SGSM1: variants seen among roughly 807,000 people sequenced by gnomAD.
SGSM1 encodes RUN and TBC1 domain containing 2.
SGSM1 carries 73 observed loss-of-function variants against 133.8 expected under a neutral mutation model. The observed-to-expected ratio is 0.55, with a 90% CI of 0.45 to 0.66. The LOEUF is 0.66. SGSM1 is among the 30% of genes least tolerant of loss of function. SGSM1 has a pLI of 0.00. For missense variants in SGSM1, 1,213 were observed against 1,448.1 expected (o/e 0.84, Z 2.64); for synonymous variants, 563 against 573.0 (o/e 0.98, Z 0.25).
rs1012130809 is a variant in SGSM1 at position 24,883,195 on chromosome 22, C to T, written c.1496-858C>T. On this transcript the variant is annotated intron_variant, in intron 14 of 24. Coordinates refer to ENST00000400358, the MANE Select transcript of SGSM1 (RefSeq NM_001098497.3). ...TTGGGATTACAGGCATGAGCCACCG[C>T]GCACGGCCACCACGGTTTCTTTATC... Among the ~76,000 whole-genome samples the T allele has an allele frequency of 7.9e-5, 12 of 152,248 alleles. No homozygotes were observed. The East Asian group carries it at 1.5e-3, about 20-fold the overall frequency.
Position 24,855,439 on chromosome 22 carries a change from G to A in SGSM1, c.669+9G>A, listed in dbSNP as rs1930715797. Reference sequence around the variant, plus strand: ...AGCGTCCTGCCCTCTGTGTGAGTGGGGTGGACAGTGGGGCAGTGGGAGGGA... The same window carrying A: ...AGCGTCCTGCCCTCTGTGTGAGTGGAGTGGACAGTGGGGCAGTGGGAGGGA... On this transcript the variant is annotated intron_variant, in intron 7 of 24. Transcript: ENST00000400358. 1 of 1,613,414 alleles carries A rather than the reference G, an allele frequency of 6.2e-7. No individual in the cohort carries two copies. Among genetic ancestry groups the A allele is most frequent in the African/African-American group, 1.3e-5 (1 of 75,016 alleles).
intron 2 of SGSM1, among the ~76,000 whole-genome samples, chr22:24,830,420 C>T (rs1929047880): frequency 6.6e-6 from 1 of 152,168 alleles, no homozygotes; most frequent in South Asian, 2.1e-4. Flanking sequence ...TTTTGAGATC[C>T]ACAGCTGTAA....
At chr22:24,907,321 T>C (rs1933425178) in intron 21 of SGSM1, among the ~76,000 whole-genome samples, 1 of 151,742 alleles carries the variant, frequency 6.6e-6, no homozygotes, top group South Asian at 2.1e-4. Context: ...ATACAATACT[T>C]ATGAGTAAAC....
At chr22:24,822,298 T>C (rs989114467) in intron 2 of SGSM1, among the ~76,000 whole-genome samples, 3 of 151,988 alleles carry the variant, frequency 2.0e-5, no homozygotes, top group Admixed American at 6.6e-5. Flanking sequence ...TTCACTGAGT[T>C]AGCCAGGATG....
intron 2 of SGSM1, among the ~76,000 whole-genome samples, chr22:24,818,411 A>G (rs1928247734): frequency 6.6e-6 from 1 of 151,528 alleles, no homozygotes; most frequent in Non-Finnish European, 1.5e-5. Flanking sequence ...TCCATTGCCC[A>G]GGCTGGAGTG....
intron 2 of SGSM1, among the ~76,000 whole-genome samples, chr22:24,842,434 AT>A (rs1008971711): frequency 5.3e-5 from 8 of 151,932 alleles, no homozygotes; most frequent in African/African-American, 1.5e-4. Context: ...GAAAATATAT[AT>A]TTTTTTTCAA....
intron 2 of SGSM1, among the ~76,000 whole-genome samples, chr22:24,841,768 G>GT (rs1336568592): frequency 2.0e-5 from 3 of 152,148 alleles, no homozygotes; most frequent in East Asian, 1.9e-4. Context: ...TTTTTTGTTT[G>GT]TTTTTTGTTT....
intron 22 of SGSM1, among the ~76,000 whole-genome samples, chr22:24,913,108 G>T (rs534035496): frequency 6.6e-6 from 1 of 151,802 alleles, no homozygotes; most frequent in Non-Finnish European, 1.5e-5. Flanking sequence ...TTACTAACAC[G>T]GTGAAACCCC....
chr22:24,811,405 G>C (rs1927732906), intron 2 of SGSM1, among the ~76,000 whole-genome samples: 1 of 150,988 alleles, frequency 6.6e-6, no homozygotes. Context: ...AGATTGTCTT[G>C]AATGCATATT....
rs768631812 is a variant in SGSM1 at position 24,874,599 on chromosome 22, C to T, written c.1292-1978C>T. ...CCCCCAGTAATGTCTGGGATCTCCC[C>T]GTCCCCAGGGGCTGGGTGCCAGCCA... On this transcript the variant is annotated intron_variant, in intron 12 of 24. Transcript: ENST00000400358. 1.2e-5 allele frequency: 18 copies of T among 1,564,900 alleles called. No individual in the cohort carries two copies. In the East Asian group the frequency reaches 1.2e-4, roughly 10 times the overall value.
chr22:24,822,247 C>T (rs994838107), intron 2 of SGSM1, among the ~76,000 whole-genome samples: 14 of 152,026 alleles, frequency 9.2e-5, no homozygotes, highest in African/African-American at 3.1e-4. Context: ...CCCGCCACCA[C>T]GCCCGGCCAA....
intron 12 of SGSM1, chr22:24,874,580 G>A (rs745312873): frequency 8.2e-6 from 13 of 1,592,966 alleles, no homozygotes; most frequent in South Asian, 4.6e-5. Flanking sequence ...CAGCCCCCCA[G>A]TAATGTCTGG....
At chr22:24,815,443 G>A (rs1470840277) in intron 2 of SGSM1, among the ~76,000 whole-genome samples, 2 of 152,180 alleles carry the variant, frequency 1.3e-5, no homozygotes, top group African/African-American at 4.8e-5. Flanking sequence ...GTGCATGGAA[G>A]AAAACTGGAA....
chr22:24,833,415 T>G (rs575927348), intron 2 of SGSM1, among the ~76,000 whole-genome samples: 166 of 151,884 alleles, frequency 1.1e-3, no homozygotes, highest in African/African-American at 3.7e-3. Context: ...ATCCCAGCAC[T>G]TTGGGAGGCT....
Position 24,919,754 on chromosome 22 carries a change from G to A in SGSM1, c.3026-72G>A, listed in dbSNP as rs1217183370. 5 of 1,578,316 alleles carry A rather than the reference G, an allele frequency of 3.2e-6. No homozygotes were observed. The East Asian group carries it at 1.1e-4, about 35-fold the overall frequency. ...GCCCGGGATTTTCCCACCTTGGGGG[G>A]CTTCCCAAGGCAGGGCAACACTGTG... On this transcript the variant is annotated intron_variant, in intron 23 of 24. Coordinates refer to ENST00000400358, the MANE Select transcript of SGSM1 (RefSeq NM_001098497.3).
intron 2 of SGSM1, among the ~76,000 whole-genome samples, chr22:24,834,549 G>A (rs1292301666): frequency 2.6e-5 from 4 of 152,112 alleles, no homozygotes; most frequent in Admixed American, 1.3e-4. Context: ...AAAGTTTGCC[G>A]GGTACATGGA....
At chr22:24,845,989 C>CTTTCTTTCTTTA (rs1930115455) in intron 3 of SGSM1, among the ~76,000 whole-genome samples, 1 of 134,572 alleles carries the variant, frequency 7.4e-6, no homozygotes, top group Non-Finnish European at 1.6e-5. Context: ...TTCTTTCTTT[C>CTTTCTTTCTTTA]TTTCTTTCTT....
At chr22:24,846,292 G>C (rs1386618922) in intron 3 of SGSM1, among the ~76,000 whole-genome samples, 1 of 151,234 alleles carries the variant, frequency 6.6e-6, no homozygotes. Context: ...TCTCTCCTTG[G>C]CTTCCCAAAA....
At chr22:24,900,625 G>A (rs920445562) in intron 19 of SGSM1, among the ~76,000 whole-genome samples, 2 of 151,976 alleles carry the variant, frequency 1.3e-5, no homozygotes, top group Admixed American at 6.6e-5. Context: ...TCAAACTCTC[G>A]ACCTCAAGTG....
Sources: allele counts gnomAD v4.1 joint callset (sites outside exome capture counted in the v4.1 genomes callset), GRCh38; gene constraint gnomAD v4.1.1; transcripts MANE v1.5; gene names NCBI Gene and HGNC (gene_info 2026-07-23, HGNC 2026-07-21).